The following AHI1 variants were observed in gnomAD, a reference collection of about 807,000 sequenced individuals.
AHI1 encodes jouberin.
Under a neutral mutation model 149.3 loss-of-function variants are expected in AHI1, and 123 were observed. That is an observed-to-expected ratio of 0.82 (90% CI 0.71 to 0.96). AHI1 has a LOEUF of 0.96. Among genes scored for constraint, AHI1 ranks in the 40% least tolerant of loss-of-function variants. The pLI is 0.00. For synonymous variants in AHI1, 475 were observed against 459.8 expected (o/e 1.03, Z -0.42); for missense variants, 1,439 against 1,422.7 (o/e 1.01, Z -0.18).
rs757056964 is a variant in AHI1, at chr6:135,447,104, C to T, written c.1683G>A (p.Val561=). 1.1e-5 allele frequency: 18 copies of T among 1,612,072 alleles called. No homozygotes were observed. In the Middle Eastern group the frequency reaches 5.0e-4, roughly 44 times the overall value. ...TTGACTCATGGTGACGTTCACAATG[C>T]ACTGGTTTACCTTTTTCCTCCTGAA... is the stretch of plus-strand genomic sequence containing the variant. ...MALQEEKGKP[V]HCERHHESSS... is the part of the protein sequence containing the mutation. The change falls in exon 13 of 29, where the codon GTG becomes GTA. Residue 561 remains valine (V), a synonymous_variant. Transcript: ENST00000265602.
chr6:135,403,100 T>C (rs1223601045), intron 22 of AHI1, among the ~76,000 whole-genome samples: 2 of 152,282 alleles, frequency 1.3e-5, no homozygotes, highest in East Asian at 3.9e-4. Flanking sequence ...CTATAAAGCA[T>C]ATTAATGGCT....
At chr6:135,446,064 A>C (rs1410455595) in intron 13 of AHI1, among the ~76,000 whole-genome samples, 9 of 151,802 alleles carry the variant, frequency 5.9e-5, no homozygotes, top group African/African-American at 2.2e-4. Flanking sequence ...TCAAAAAAAA[A>C]ACAAAAAGAG....
At chr6:135,348,754 G>C (rs1262346283) in intron 24 of AHI1, among the ~76,000 whole-genome samples, 1 of 152,012 alleles carries the variant, frequency 6.6e-6, no homozygotes, top group African/African-American at 2.4e-5. Flanking sequence ...TGACAAGCAG[G>C]GTAGCGAGTC....
chr6:135,364,252 C>A (rs1374286861), intron 23 of AHI1, among the ~76,000 whole-genome samples: 11 of 150,702 alleles, frequency 7.3e-5, no homozygotes, highest in Non-Finnish European at 1.2e-4. Context: ...ACATCCTGGA[C>A]GGGGCGGCAG....
At chr6:135,387,995 AC>A in intron 23 of AHI1, 1 of 1,613,756 alleles carries the variant, frequency 6.2e-7, no homozygotes, top group South Asian at 1.1e-5. Context: ...TGCTTTTTCC[AC>A]CATAATATAC....
At chr6:135,477,104 G>GCACA (rs1792795050) in intron 5 of AHI1, among the ~76,000 whole-genome samples, 1 of 148,220 alleles carries the variant, frequency 6.7e-6, no homozygotes, top group Admixed American at 6.7e-5. Context: ...GCAGTGGTGT[G>GCACA]ATCTCGGCTC....
chr6:135,444,462 C>G (rs773033758), intron 13 of AHI1, among the ~76,000 whole-genome samples: 2 of 152,148 alleles, frequency 1.3e-5, no homozygotes, highest in Admixed American at 6.5e-5. Context: ...ATGAATACAA[C>G]AGGTCCTTTC....
intron 20 of AHI1, among the ~76,000 whole-genome samples, chr6:135,426,920 A>T (rs2070449398): frequency 1.3e-5 from 2 of 151,718 alleles, no homozygotes; most frequent in African/African-American, 4.8e-5. Flanking sequence ...AACATCAAAG[A>T]TCTGTATTCC....
chr6:135,300,382 C>G, intron 27 of AHI1, 118 bp downstream of exon 27: 2 of 959,824 alleles, frequency 2.1e-6, no homozygotes, highest in Non-Finnish European at 2.8e-6. Flanking sequence ...TTAAAATCAA[C>G]TATCTGAAAT....
At chr6:135,468,062 T>C (rs1791072907) in intron 5 of AHI1, among the ~76,000 whole-genome samples, 1 of 152,152 alleles carries the variant, frequency 6.6e-6, no homozygotes, top group African/African-American at 2.4e-5. Context: ...CCAATGTATA[T>C]AAAAAGGTGA....
intron 26 of AHI1, among the ~76,000 whole-genome samples, chr6:135,313,580 A>T (rs971862411): frequency 2.2e-4 from 34 of 152,198 alleles, no homozygotes; most frequent in African/African-American, 8.0e-4. Flanking sequence ...ATATGAAGGT[A>T]TGTTTGAAGC....
At chr6:135,377,292 A>C (rs1776089617) in intron 23 of AHI1, among the ~76,000 whole-genome samples, 1 of 152,112 alleles carries the variant, frequency 6.6e-6, no homozygotes, top group African/African-American at 2.4e-5. Flanking sequence ...TTTCAAAATA[A>C]AGTTGGGGAA....
chr6:135,485,820 T>A (rs1794388010), intron 5 of AHI1, among the ~76,000 whole-genome samples: 1 of 152,188 alleles, frequency 6.6e-6, no homozygotes. Flanking sequence ...ACATTATTTG[T>A]CCACACTGTA....
intron 26 of AHI1, among the ~76,000 whole-genome samples, chr6:135,317,856 A>C (rs2128375295): frequency 6.6e-6 from 1 of 152,380 alleles, no homozygotes; most frequent in East Asian, 1.9e-4. Context: ...ATCAAGAAGC[A>C]GTGAGGTTAT....
At chr6:135,451,899 GA>G (rs746590748) in intron 11 of AHI1, among the ~76,000 whole-genome samples, 1 of 151,604 alleles carries the variant, frequency 6.6e-6, no homozygotes, top group East Asian at 1.9e-4. Context: ...AGGTGTTATG[GA>G]AAAAGGCATT....
chr6:135,405,800 T>C (rs1583064531), intron 21 of AHI1, among the ~76,000 whole-genome samples: 2 of 140,772 alleles, frequency 1.4e-5, no homozygotes, highest in Non-Finnish European at 1.5e-5. Flanking sequence ...GTGGAGGTTG[T>C]AGTGAGCCAA....
chr6:135,358,465 A>G (rs1169348216), intron 23 of AHI1, among the ~76,000 whole-genome samples: 2 of 152,174 alleles, frequency 1.3e-5, no homozygotes, highest in Non-Finnish European at 2.9e-5. Context: ...TCTCAACTCA[A>G]AAATTACACC....
At chr6:135,366,877 T>C (rs1053677019) in intron 23 of AHI1, among the ~76,000 whole-genome samples, 1 of 152,246 alleles carries the variant, frequency 6.6e-6, no homozygotes, top group South Asian at 2.1e-4. Flanking sequence ...CCTTAGTTTG[T>C]CTGCCTGTGC....
chr6:135,350,377 G>A (rs909397638), intron 24 of AHI1, among the ~76,000 whole-genome samples: 1 of 152,008 alleles, frequency 6.6e-6, no homozygotes, highest in Non-Finnish European at 1.5e-5. Context: ...CTTCTTTGAG[G>A]GCTCTTCTTC....
Sources: allele counts gnomAD v4.1 joint callset (sites outside exome capture counted in the v4.1 genomes callset), GRCh38; gene constraint gnomAD v4.1.1; transcripts MANE v1.5; gene names NCBI Gene and HGNC (gene_info 2026-07-23, HGNC 2026-07-21).